DMD: variants seen among roughly 807,000 people sequenced by gnomAD.
The protein encoded by DMD is dystrophin.
A neutral mutation model predicts 330.1 loss-of-function variants in DMD; 63 were observed. That is an observed-to-expected ratio of 0.19 (90% CI 0.16 to 0.24). DMD has a LOEUF of 0.24. Ranked by LOEUF, DMD falls within the 10% of genes least tolerant of loss-of-function variation. DMD has a pLI of 1.00. For synonymous variants in DMD, 1,223 were observed against 959.8 expected (o/e 1.27, Z -5.07); for missense variants, 3,344 against 2,684.1 (o/e 1.25, Z -5.43).
At chrX:32,990,347 A>G (rs2092942165) in intron 2 of DMD, among the ~76,000 whole-genome samples, 1 of 111,975 alleles carries the variant, frequency 8.9e-6, no homozygotes, top group East Asian at 2.8e-4. Flanking sequence ...CAAACTCAAC[A>G]TTTCTAAGAG....
chrX:32,579,805 T>A (rs1418012568), intron 13 of DMD, among the ~76,000 whole-genome samples: 2 of 113,055 alleles, frequency 1.8e-5, no homozygotes, highest in African/African-American at 6.4e-5. Flanking sequence ...TAAGTATGAC[T>A]GATTTGTTCA....
At chrX:32,885,943 A>G (rs1438831718) in intron 2 of DMD, among the ~76,000 whole-genome samples, 1 of 110,048 alleles carries the variant, frequency 9.1e-6, no homozygotes, top group African/African-American at 3.3e-5. Flanking sequence ...TAAAACTCAC[A>G]TTCTTATTCT....
At chrX:31,999,933 A>G (rs1030087132) in intron 44 of DMD, among the ~76,000 whole-genome samples, 3 of 112,292 alleles carry the variant, frequency 2.7e-5, no homozygotes, top group African/African-American at 9.7e-5. Flanking sequence ...ATGTGTTCCT[A>G]TTAGCTGCAA....
intron 19 of DMD, among the ~76,000 whole-genome samples, chrX:32,493,057 G>C (rs1174012689): frequency 8.9e-6 from 1 of 111,860 alleles, no homozygotes; most frequent in African/African-American, 3.2e-5. Context: ...AAAGTCTGAA[G>C]AACGTCTCTA....
chrX:31,469,151 G>T (rs2067111170), intron 59 of DMD, among the ~76,000 whole-genome samples: 1 of 111,267 alleles, frequency 9.0e-6, no homozygotes, highest in South Asian at 3.8e-4. Flanking sequence ...TTTAATTGGG[G>T]CATTTAGCCT....
intron 4 of DMD, among the ~76,000 whole-genome samples, chrX:32,825,200 G>A (rs887854885): frequency 9.9e-5 from 11 of 111,582 alleles, no homozygotes; most frequent in East Asian, 8.4e-4. Flanking sequence ...CTCATACTGC[G>A]GGAAGCACTG....
chrX:31,438,443 C>A (rs1316439171), intron 60 of DMD, among the ~76,000 whole-genome samples: 1 of 111,415 alleles, frequency 9.0e-6, no homozygotes, highest in Admixed American at 9.6e-5. Flanking sequence ...GTATGTGGAG[C>A]CCAGTTATCT....
At chrX:32,732,306 G>A (rs1031002137) in intron 7 of DMD, among the ~76,000 whole-genome samples, 15 of 111,200 alleles carry the variant, frequency 1.3e-4, no homozygotes, top group Non-Finnish European at 2.6e-4. Flanking sequence ...TGAAAGTGAT[G>A]GGGAGAATGG....
chrX:31,223,238 C>T, intron 63 of DMD, 117 bp from the exon 64 acceptor site: 6 of 644,936 alleles, frequency 9.3e-6, no homozygotes, highest in Non-Finnish European at 1.5e-5. Flanking sequence ...GCCTAGAAAA[C>T]ATATAGTGTG....
chrX:33,077,489 G>A (rs1415034728), intron 1 of DMD, among the ~76,000 whole-genome samples: 3 of 111,272 alleles, frequency 2.7e-5, no homozygotes, highest in Non-Finnish European at 5.6e-5. Flanking sequence ...AAAGGCCGTC[G>A]ATCGCTCTGG....
At chrX:32,133,759 T>G (rs1341831131) in intron 44 of DMD, among the ~76,000 whole-genome samples, 1 of 111,269 alleles carries the variant, frequency 9.0e-6, no homozygotes, top group Non-Finnish European at 1.9e-5. Context: ...ATATGACTAT[T>G]TCTTATCACC....
At chrX:31,441,896 G>A (rs1403834181) in intron 60 of DMD, among the ~76,000 whole-genome samples, 1 of 111,905 alleles carries the variant, frequency 8.9e-6, no homozygotes, top group Non-Finnish European at 1.9e-5. Flanking sequence ...GAACTAACTT[G>A]ACTCGGTTAT....
At chrX:32,480,060 C>T (rs1041487901) in intron 21 of DMD, among the ~76,000 whole-genome samples, 4 of 111,181 alleles carry the variant, frequency 3.6e-5, no homozygotes, top group Non-Finnish European at 7.6e-5. Context: ...AAAAACTCAA[C>T]AGCAAGAAAA....
At chrX:32,890,375 A>C in intron 2 of DMD, among the ~76,000 whole-genome samples, 1 of 108,218 alleles carries the variant, frequency 9.2e-6, no homozygotes, top group Non-Finnish European at 1.9e-5. Context: ...TAAAGGACTC[A>C]AACTTTTCGC....
At chrX:33,001,928 T>C (rs2093288505) in intron 2 of DMD, among the ~76,000 whole-genome samples, 1 of 111,544 alleles carries the variant, frequency 9.0e-6, no homozygotes, top group South Asian at 3.7e-4. Context: ...TTTAAAAATA[T>C]AGGCATCAAC....
intron 62 of DMD, among the ~76,000 whole-genome samples, chrX:31,305,656 C>T (rs1037207576): frequency 2.0e-4 from 23 of 112,211 alleles, no homozygotes; most frequent in African/African-American, 7.1e-4. Flanking sequence ...CAAATGCATT[C>T]TCCACACAGC....
At chrX:33,178,423 AGGCAACAAAT>A (rs2049794781) in intron 1 of DMD, among the ~76,000 whole-genome samples, 1 of 111,899 alleles carries the variant, frequency 8.9e-6, no homozygotes, top group Non-Finnish European at 1.9e-5. Context: ...TCATGTGGCA[AGGCAACAAAT>A]CTCTCTTACT....
chrX:32,926,477 C>G (rs1285269842), intron 2 of DMD, among the ~76,000 whole-genome samples: 1 of 111,665 alleles, frequency 9.0e-6, no homozygotes, highest in African/African-American at 3.3e-5. Flanking sequence ...TGGCTGGGTG[C>G]AGTGGCTCAC....
chrX:31,620,590 T>G (rs1481858003), intron 55 of DMD, among the ~76,000 whole-genome samples: 1 of 109,810 alleles, frequency 9.1e-6, no homozygotes, highest in Non-Finnish European at 1.9e-5. Flanking sequence ...AATTTTTGTA[T>G]TTTTAGTAGA....
Sources: allele counts gnomAD v4.1 joint callset (sites outside exome capture counted in the v4.1 genomes callset), GRCh38; gene constraint gnomAD v4.1.1; transcripts MANE v1.5; gene names NCBI Gene and HGNC (gene_info 2026-07-23, HGNC 2026-07-21).